SLC12A7: variants seen among roughly 807,000 people sequenced by gnomAD.
SLC12A7 encodes the protein solute carrier family 12 member 7.
Under a neutral mutation model 120.6 loss-of-function variants are expected in SLC12A7, and 100 were observed. The observed-to-expected ratio is 0.83, with a 90% CI of 0.71 to 0.98. The LOEUF (loss-of-function observed/expected upper bound fraction) is 0.98. Ranked by LOEUF, SLC12A7 falls within the 50% of genes least tolerant of loss-of-function variation. The pLI is 0.00. For synonymous variants in SLC12A7, 760 were observed against 678.0 expected, an observed-to-expected ratio of 1.12 and a Z score of -1.88; for missense variants, 1,373 against 1,548.1, an observed-to-expected ratio of 0.89 and a Z score of 1.90.
chr5:1,057,961 G>A (rs1735801617), intron 21 of SLC12A7, among the ~76,000 whole-genome samples: 1 of 152,212 alleles, frequency 6.6e-6, no homozygotes, highest in Admixed American at 6.5e-5. Flanking sequence ...ACCTGACGGG[G>A]CTCCACACAC....
chr5:1,153,059 G>A, the SLC12A7 span, among the ~76,000 whole-genome samples: 1 of 152,194 alleles, frequency 6.6e-6, no homozygotes, highest in South Asian at 2.1e-4. Context: ...TAGCGGGCAC[G>A]ACACAAAATC....
chr5:1,078,808 G>A (rs1312067635), intron 10 of SLC12A7, 50 bp from the exon 11 acceptor site: 2 of 779,666 alleles, frequency 2.6e-6, no homozygotes, highest in East Asian at 2.6e-5. Flanking sequence ...GGGTCCTCAG[G>A]TACGGGGGGT....
chr5:1,142,956 T>TGGGCCCA, the SLC12A7 span, among the ~76,000 whole-genome samples: 3 of 151,428 alleles, frequency 2.0e-5, no homozygotes, highest in East Asian at 6.0e-4. Context: ...CACTGGGCCC[T>TGGGCCCA]GGGCCCCAGG....
the SLC12A7 span, among the ~76,000 whole-genome samples, chr5:1,121,005 G>A: frequency 2.3e-4 from 35 of 152,218 alleles, no homozygotes; most frequent in Non-Finnish European, 4.4e-4. Context: ...CTCACTCAGA[G>A]GAAATAAGAG....
At chr5:1,145,517 G>C in the SLC12A7 span, among the ~76,000 whole-genome samples, 1 of 152,254 alleles carries the variant, frequency 6.6e-6, no homozygotes, top group Non-Finnish European at 1.5e-5. The surrounding 1 kb of genome is among the most constrained non-coding windows in gnomAD (Gnocchi z 4.4). Context: ...CAGGAAGTCA[G>C]AGGCTGCCAG....
upstream of SLC12A7, among the ~76,000 whole-genome samples, chr5:1,112,745 G>A (rs1386490704): frequency 2.1e-5 from 3 of 142,048 alleles, no homozygotes; most frequent in Non-Finnish European, 4.6e-5. Flanking sequence ...CTCCTAGCCT[G>A]GCTCCTGGCT....
rs1188417383 is a variant in SLC12A7, at chr5:1,083,940, T to C, written c.934A>G (p.Asn312Asp). 2 of 1,603,136 alleles carry C rather than the reference T, an allele frequency of 1.2e-6. No homozygotes were observed. The highest frequency in any genetic ancestry group is 4.5e-5 in the East Asian group (2 of 44,884). ...AAGCTGCGCCGTGACAGCGTGCGGTTCCCCAGGAGGCAGACCCTGGGCGGG... is the reference window on the plus strand; with the variant it reads ...AAGCTGCGCCGTGACAGCGTGCGGTCCCCCAGGAGGCAGACCCTGGGCGGG... ...PPDIPVCLLG[N>D]RTLSRRSFDA... is the part of the protein sequence containing the mutation. Residue 312 changes from asparagine (N) to aspartate (D), a missense_variant, in exon 8 of 24, where the codon AAC becomes GAC. Coordinates refer to ENST00000264930, the MANE Select transcript of SLC12A7 (RefSeq NM_006598.3).
chr5:1,150,526 G>T, the SLC12A7 span, among the ~76,000 whole-genome samples: 1 of 152,212 alleles, frequency 6.6e-6, no homozygotes, highest in Non-Finnish European at 1.5e-5. Context: ...GAAAATTCTG[G>T]TGTATACATG....
At position 1,083,949 on chromosome 5, in the gene SLC12A7, G is replaced by A. The variant is rs1739514155; in HGVS notation, c.925C>T (p.Leu309Phe). Residue 309 changes from leucine to phenylalanine, a missense_variant, in exon 8 of 24, where the codon CTC becomes TTC. By Grantham distance (22) the Leu-to-Phe change is conservative (BLOSUM62 0). Coordinates refer to ENST00000264930, the MANE Select transcript of SLC12A7 (RefSeq NM_006598.3). Reference protein sequence around the residue: ...AFDPPDIPVCLLGNRTLSRRS... With the variant: ...AFDPPDIPVCFLGNRTLSRRS... ...CGTGACAGCGTGCGGTTCCCCAGGA[G>A]GCAGACCCTGGGCGGGACAGGGAGG... is the stretch of plus-strand genomic sequence containing the variant. The A allele has an allele frequency of 1.9e-6, 3 of 1,601,536 alleles. No homozygotes were observed. The highest frequency in any genetic ancestry group is 4.5e-5 in the East Asian group (2 of 44,884).
At chr5:1,102,695 G>A (rs566771654) in intron 1 of SLC12A7, among the ~76,000 whole-genome samples, 13 of 152,312 alleles carry the variant, frequency 8.5e-5, no homozygotes, top group South Asian at 8.3e-4. Flanking sequence ...CAGGCTTCCC[G>A]GCTCCCTGCA....
intron 7 of SLC12A7, among the ~76,000 whole-genome samples, chr5:1,084,205 G>A (rs1739552914): frequency 6.6e-6 from 1 of 152,206 alleles, no homozygotes; most frequent in African/African-American, 2.4e-5. Context: ...ACCAGGCCAG[G>A]CTGCAGCAGG....
At chr5:1,073,379 G>A (rs917100900) in intron 17 of SLC12A7, among the ~76,000 whole-genome samples, 1 of 152,218 alleles carries the variant, frequency 6.6e-6, no homozygotes, top group African/African-American at 2.4e-5. Context: ...GCTCACCCAT[G>A]GCGGGAGGAG....
At chr5:1,108,261 G>A (rs1742717688) in intron 1 of SLC12A7, among the ~76,000 whole-genome samples, 1 of 152,262 alleles carries the variant, frequency 6.6e-6, no homozygotes, top group East Asian at 1.9e-4. Flanking sequence ...CCTCTTGCCG[G>A]GAGACAGCCT....
intron 1 of SLC12A7, among the ~76,000 whole-genome samples, chr5:1,102,843 A>G (rs755905286): frequency 1.3e-5 from 2 of 152,066 alleles, no homozygotes; most frequent in East Asian, 1.9e-4. Context: ...GCCTCTGGGG[A>G]CAGCCCGAGA....
chr5:1,133,242 G>A, the SLC12A7 span, among the ~76,000 whole-genome samples: 1 of 152,228 alleles, frequency 6.6e-6, no homozygotes, highest in African/African-American at 2.4e-5. Context: ...ATTTGTGTTA[G>A]TTTGAAACAA....
intron 21 of SLC12A7, among the ~76,000 whole-genome samples, chr5:1,059,514 C>T (rs931184696): frequency 1.3e-5 from 2 of 152,296 alleles, no homozygotes; most frequent in South Asian, 4.1e-4. Context: ...CACGAAGACC[C>T]CATGAGGCCG....
intron 18 of SLC12A7, among the ~76,000 whole-genome samples, chr5:1,064,903 C>CGGCGAGGAGATGGT (rs1736825579): frequency 1.2e-5 from 1 of 84,694 alleles, no homozygotes; most frequent in Non-Finnish European, 2.4e-5. Context: ...GAGGGGACCG[C>CGGCGAGGAGATGGT]GAGGGGACGG....
intron 17 of SLC12A7, among the ~76,000 whole-genome samples, chr5:1,067,750 CAGG>C (rs951199441): frequency 2.0e-5 from 3 of 152,232 alleles, no homozygotes; most frequent in African/African-American, 7.2e-5. Context: ...TGCAGGGTTT[CAGG>C]AGGACGCGGC....
the SLC12A7 span, among the ~76,000 whole-genome samples, chr5:1,128,079 C>T: frequency 2.6e-5 from 4 of 152,320 alleles, no homozygotes; most frequent in African/African-American, 7.2e-5. Flanking sequence ...TAGCTTCTCA[C>T]GCCATGCACT....
Sources: gnomAD v4.1 joint callset for allele counts (sites outside exome capture counted in the v4.1 genomes callset) on GRCh38, gnomAD v4.1.1 for gene constraint, Gnocchi (gnomAD v3.1) non-coding constraint, MANE v1.5 for transcripts, NCBI Gene and HGNC (gene_info 2026-07-23, HGNC 2026-07-21) for gene names.